Variants in GSE1 observed in about 807,000 individuals in gnomAD.
GSE1 encodes Gse1 coiled-coil protein, also known as genetic suppressor element 1.
GSE1 carries 32 observed loss-of-function variants against 112.6 expected under a neutral mutation model. That is an observed-to-expected ratio of 0.28 (90% CI 0.21 to 0.38). The LOEUF (loss-of-function observed/expected upper bound fraction) is 0.38, where lower values mean the gene tolerates loss of function less well. Ranked by LOEUF, GSE1 falls within the 10% of genes least tolerant of loss-of-function variation. The pLI is 1.00. For missense variants in GSE1, 2,348 were observed against 1,699.2 expected (o/e 1.38, Z -6.71); for synonymous variants, 1,115 against 735.6 (o/e 1.52, Z -8.35).
chr16:85,204,056 C>T (rs555904980), intron 1 of GSE1, among the ~76,000 whole-genome samples: 5 of 152,340 alleles, frequency 3.3e-5, no homozygotes, highest in South Asian at 4.1e-4. Flanking sequence ...AGGCATGAGC[C>T]GCCGTGCCTG....
intron 2 of GSE1, among the ~76,000 whole-genome samples, chr16:85,530,971 G>A (rs887140902): frequency 1.3e-5 from 2 of 152,244 alleles, no homozygotes; most frequent in Admixed American, 6.5e-5. Flanking sequence ...TGTTTGTGTT[G>A]TCACCTTGGG....
chr16:85,509,642 A>G (rs1422888067), intron 2 of GSE1, among the ~76,000 whole-genome samples: 1 of 152,224 alleles, frequency 6.6e-6, no homozygotes, highest in East Asian at 1.9e-4. Context: ...CTGAGGATGT[A>G]TGCTGGCCCT....
At chr16:85,237,921 C>T (rs1176271904) in intron 1 of GSE1, among the ~76,000 whole-genome samples, 1 of 152,148 alleles carries the variant, frequency 6.6e-6, no homozygotes, top group African/African-American at 2.4e-5. Context: ...GCTCCAACCC[C>T]AGCGTCATGA....
At chr16:85,254,571 C>T (rs1597201821) in intron 1 of GSE1, among the ~76,000 whole-genome samples, 1 of 152,280 alleles carries the variant, frequency 6.6e-6, no homozygotes, top group East Asian at 1.9e-4. Flanking sequence ...TTCTGGGGGG[C>T]CCTTGCCACC....
intron 1 of GSE1, among the ~76,000 whole-genome samples, chr16:85,566,986 C>G (rs937914311): frequency 6.6e-6 from 1 of 152,110 alleles, no homozygotes; most frequent in Non-Finnish European, 1.5e-5. Context: ...GGAAGTGTCA[C>G]GGCCTTTATC....
intron 1 of GSE1, among the ~76,000 whole-genome samples, chr16:85,313,682 T>A (rs2045913058): frequency 6.6e-6 from 1 of 151,946 alleles, no homozygotes; most frequent in East Asian, 1.9e-4. Context: ...GTCTGGGCGG[T>A]CAGAACAGGC....
intron 2 of GSE1, among the ~76,000 whole-genome samples, chr16:85,418,145 C>T (rs2048745768): frequency 6.6e-6 from 1 of 152,252 alleles, no homozygotes; most frequent in Non-Finnish European, 1.5e-5. Flanking sequence ...CTGGAGGCTG[C>T]ATTTCTAACA....
chr16:85,652,156 C>G (rs1427047896), intron 3 of GSE1, among the ~76,000 whole-genome samples: 1 of 152,224 alleles, frequency 6.6e-6, no homozygotes, highest in Non-Finnish European at 1.5e-5. Context: ...ACTCTGCTGC[C>G]CTGTGAGTCC....
At chr16:85,450,649 C>T (rs2049651872) in intron 2 of GSE1, among the ~76,000 whole-genome samples, 1 of 151,522 alleles carries the variant, frequency 6.6e-6, no homozygotes, top group East Asian at 2.0e-4. Context: ...TGGGGTTTCA[C>T]CATCTTGGCC....
chr16:85,420,110 C>CA (rs1555509052), intron 2 of GSE1, among the ~76,000 whole-genome samples: 11 of 151,908 alleles, frequency 7.2e-5, no homozygotes, highest in Admixed American at 5.2e-4. Flanking sequence ...TCAGGCCAGA[C>CA]GGGTGGTGGC....
intron 2 of GSE1, among the ~76,000 whole-genome samples, chr16:85,410,386 A>G (rs1201224285): frequency 1.7e-4 from 4 of 23,774 alleles, no homozygotes; most frequent in Non-Finnish European, 2.9e-4. Context: ...CCTCACTTTT[A>G]CACTCAGGCC....
chr16:85,372,305 C>G (rs532300203), intron 2 of GSE1, among the ~76,000 whole-genome samples: 1 of 151,974 alleles, frequency 6.6e-6, no homozygotes, highest in African/African-American at 2.4e-5. Context: ...GGCAAAACCC[C>G]ATCTCTAAAA....
chr16:85,540,038 C>G (rs1408334897), intron 2 of GSE1, among the ~76,000 whole-genome samples: 8 of 152,188 alleles, frequency 5.3e-5, no homozygotes, highest in Admixed American at 5.2e-4. Context: ...TGTACAGGTG[C>G]CTATAATTCC....
intron 2 of GSE1, among the ~76,000 whole-genome samples, chr16:85,383,515 A>ACACG (rs1555573815): frequency 7.4e-6 from 1 of 135,108 alleles, no homozygotes; most frequent in African/African-American, 2.7e-5. Context: ...ACACACACAC[A>ACACG]CGCACACCTG....
chr16:85,334,136 C>T (rs917830744), intron 1 of GSE1, among the ~76,000 whole-genome samples: 2 of 152,174 alleles, frequency 1.3e-5, no homozygotes, highest in Admixed American at 6.5e-5. Context: ...TGAGCCCACG[C>T]GGCCTTCCTC....
chr16:85,417,411 A>C (rs374720085), intron 2 of GSE1, among the ~76,000 whole-genome samples: 28,167 of 152,132 alleles, frequency 0.19, 2,772 homozygotes, highest in Middle Eastern at 0.32. Context: ...CTGGAAGAAG[A>C]TCCTTGGCCT....
At chr16:85,194,735 C>T (rs12444866) in intron 1 of GSE1, among the ~76,000 whole-genome samples, 25,629 of 152,024 alleles carry the variant, frequency 0.17, 2,254 homozygotes, top group Non-Finnish European at 0.19. Flanking sequence ...TGTTGGACTT[C>T]TGTTCTGTGC....
At chr16:85,278,105 A>G (rs951365108) in intron 1 of GSE1, among the ~76,000 whole-genome samples, 10 of 152,246 alleles carry the variant, frequency 6.6e-5, no homozygotes, top group African/African-American at 1.9e-4. Flanking sequence ...GCCCCGTTTT[A>G]CAGATGAGAA....
intron 1 of GSE1, among the ~76,000 whole-genome samples, chr16:85,214,129 G>A (rs1307571775): frequency 6.6e-6 from 1 of 152,174 alleles, no homozygotes; most frequent in South Asian, 2.1e-4. Flanking sequence ...TACGAGTGTC[G>A]GGTTCCGAGA....
Sources: allele counts gnomAD v4.1 joint callset (sites outside exome capture counted in the v4.1 genomes callset), GRCh38; gene constraint gnomAD v4.1.1; transcripts MANE v1.5; gene names NCBI Gene and HGNC (gene_info 2026-07-23, HGNC 2026-07-21).